PDE9A: variants seen among roughly 807,000 people sequenced by gnomAD.
PDE9A encodes phosphodiesterase 9A.
A neutral mutation model predicts 87.4 loss-of-function variants in PDE9A; 60 were observed. The observed-to-expected ratio is 0.69, with a 90% CI of 0.56 to 0.85. The LOEUF is 0.85. Ranked by LOEUF, PDE9A falls within the 40% of genes least tolerant of loss-of-function variation. The pLI is 0.00. For synonymous variants in PDE9A, 272 were observed against 279.4 expected (o/e 0.97, Z 0.27); for missense variants, 665 against 779.0 (o/e 0.85, Z 1.74).
In PDE9A at chr21:42,773,759, C is replaced by T. The variant is rs546681536; in HGVS notation, c.1768+1239C>T. On this transcript the variant is annotated intron_variant, in intron 19 of 19. Coordinates refer to ENST00000291539, the MANE Select transcript of PDE9A (RefSeq NM_002606.3). ...GAGATTGCCGTGAGCCAAGATCGCG[C>T]CACTGCACTCCAGCCTGGGCAACAG... Among the ~76,000 whole-genome samples the T allele has an allele frequency of 7.8e-5, 11 of 141,436 alleles. No individual in the cohort carries two copies. In the Admixed American group the frequency reaches 8.4e-4, roughly 11 times the overall value. 92.8% of individuals were successfully genotyped at this position (141,436 alleles called of 152,430 possible).
intron 1 of PDE9A, among the ~76,000 whole-genome samples, chr21:42,670,314 C>CCACA (rs750294735): frequency 6.0e-5 from 7 of 116,702 alleles, no homozygotes; most frequent in East Asian, 4.8e-4. Context: ...CACTTAGACA[C>CCACA]CACACTCACA....
Position 42,689,451 on chromosome 21 carries a change from G to A in PDE9A, c.218+1457G>A, listed in dbSNP as rs1602067103. The stretch of plus-strand genomic sequence containing the variant: ...CTCAGCACCAGCTCCAGCCTGGGGG[G>A]TCTCGCTCAGAAGCAAAGTCACTGA... On this transcript the variant is annotated intron_variant, in intron 3 of 19. Transcript: ENST00000291539. 9 of 773,256 alleles carry A rather than the reference G, an allele frequency of 1.2e-5. 1 individual carries two copies. In the South Asian group the frequency reaches 2.9e-4, roughly 25 times the overall value. 47.9% of individuals were successfully genotyped at this position (773,256 alleles called of 1,614,324 possible). A position where few individuals can be genotyped will look rare whatever the true frequency, so the allele number is the denominator to read the frequency against.
At chr21:42,711,175 G>T (rs1754296794) in intron 4 of PDE9A, among the ~76,000 whole-genome samples, 1 of 150,944 alleles carries the variant, frequency 6.6e-6, no homozygotes, top group Admixed American at 6.6e-5. Flanking sequence ...ATGAGCAGAG[G>T]TTTTTAATTT....
chr21:42,766,367 G>A (rs943235425), intron 15 of PDE9A, among the ~76,000 whole-genome samples: 12 of 151,662 alleles, frequency 7.9e-5, no homozygotes, highest in South Asian at 2.1e-4. Context: ...CTGCCCTCCC[G>A]GCCTTCAGAG....
At chr21:42,753,903 GGGAGAAAGA>G in intron 9 of PDE9A, 78 bp from the exon 10 acceptor site, 2 of 667,712 alleles carry the variant, frequency 3.0e-6, no homozygotes, top group African/African-American at 1.9e-5. Flanking sequence ...GAAAGAGAAC[GGGAGAAAGA>G]GGAGAAATAT....
intron 18 of PDE9A, among the ~76,000 whole-genome samples, chr21:42,771,734 G>A (rs922168150): frequency 6.6e-6 from 1 of 152,184 alleles, no homozygotes; most frequent in Non-Finnish European, 1.5e-5. Flanking sequence ...CTCGACTGAC[G>A]GCCCCGTGCT....
chr21:42,761,970 C>A lies in PDE9A; in HGVS notation c.1086-113C>A, dbSNP rs1301405861. 3 of 1,088,054 alleles carry A rather than the reference C, an allele frequency of 2.8e-6. No homozygotes were observed. The East Asian group carries it at 7.6e-5, about 28-fold the overall frequency. 67.4% of individuals were successfully genotyped at this position (1,088,054 alleles called of 1,614,324 possible). ...GCACAGGCAGCTCCCCCAGCCCCCA[C>A]GGCACCTTCTCCTGACTCTACTTGC... On this transcript the variant is annotated intron_variant, in intron 13 of 19. Transcript: ENST00000291539.
At position 42,761,558 on chromosome 21, in the gene PDE9A, T is replaced by C. The variant is rs115276463; in HGVS notation, c.1086-525T>C. On this transcript the variant is annotated intron_variant, in intron 13 of 19. Coordinates refer to ENST00000291539, the MANE Select transcript of PDE9A (RefSeq NM_002606.3). ...TCTGTTGAACTGTGTGTTTGTGTGATGTCATCACATGCCTGAGAGCTCTGC... is the reference window on the plus strand; with the variant it reads ...TCTGTTGAACTGTGTGTTTGTGTGACGTCATCACATGCCTGAGAGCTCTGC... 4.6e-3 allele frequency among the ~76,000 whole-genome samples: 703 copies of C among 152,358 alleles called. 4 individuals are homozygous for C. Among genetic ancestry groups the C allele is most frequent in the African/African-American group, 0.016 (671 of 41,586 alleles).
intron 3 of PDE9A, among the ~76,000 whole-genome samples, chr21:42,690,640 C>T (rs896610329): frequency 5.3e-5 from 8 of 152,078 alleles, no homozygotes; most frequent in African/African-American, 1.9e-4. Flanking sequence ...TCCATTCCCT[C>T]TGCCACTGTT....
chr21:42,669,862 G>GA (rs1446546204), intron 1 of PDE9A, among the ~76,000 whole-genome samples: 1 of 152,190 alleles, frequency 6.6e-6, no homozygotes, highest in Non-Finnish European at 1.5e-5. Context: ...GACAGAGCTG[G>GA]AATTGAGCCC....
At chr21:42,699,090 T>C in intron 4 of PDE9A, 79 bp downstream of exon 4, 1 of 880,052 alleles carries the variant, frequency 1.1e-6, no homozygotes, top group South Asian at 1.4e-5. Flanking sequence ...AAATATATAC[T>C]AGTTAAGCAT....
chr21:42,662,889 CAA>C (rs934200154), intron 1 of PDE9A, among the ~76,000 whole-genome samples: 6 of 140,706 alleles, frequency 4.3e-5, no homozygotes, highest in South Asian at 2.3e-4. Context: ...ACAGCACACA[CAA>C]AAACACACCA....
intron 1 of PDE9A, among the ~76,000 whole-genome samples, chr21:42,655,143 C>G (rs1233367588): frequency 1.3e-5 from 2 of 150,886 alleles, no homozygotes; most frequent in African/African-American, 2.5e-5. Flanking sequence ...CACACATCCA[C>G]TCACAAACAC....
chr21:42,741,331 T>C (rs2053230718), intron 7 of PDE9A: 1 of 152,250 alleles, frequency 6.6e-6, no homozygotes, highest in African/African-American at 2.4e-5. Flanking sequence ...GCCTGTGGCA[T>C]GCATCAGCTT....
chr21:42,693,085 T>G (rs376743777), intron 3 of PDE9A, among the ~76,000 whole-genome samples: 1 of 152,202 alleles, frequency 6.6e-6, no homozygotes, highest in African/African-American at 2.4e-5. Flanking sequence ...CCTGACACGG[T>G]GACCCACGGG....
Position 42,660,559 on chromosome 21 carries a change from GA to G in PDE9A, c.69+6679del, listed in dbSNP as rs1353016028. 6.7e-6 allele frequency among the ~76,000 whole-genome samples: 1 copy of G among 150,022 alleles called. No individual in the cohort carries two copies. The highest frequency in any genetic ancestry group is 1.5e-5 in the Non-Finnish European group (1 of 67,724). ...CGGGTGACAGTGCACCAGAATCTCAGAAATCACCACTAAAGAACTTACCCAT... is the reference window on the plus strand; with the variant it reads ...CGGGTGACAGTGCACCAGAATCTCAGAATCACCACTAAAGAACTTACCCAT... On this transcript the variant is annotated intron_variant, in intron 1 of 19. Coordinates refer to ENST00000291539, the MANE Select transcript of PDE9A (RefSeq NM_002606.3). The surrounding 1 kb of genome is among the most constrained non-coding windows in gnomAD (Gnocchi z 4.7).
At chr21:42,732,741 C>G (rs1306043435) in intron 6 of PDE9A, among the ~76,000 whole-genome samples, 1 of 152,092 alleles carries the variant, frequency 6.6e-6, no homozygotes, top group Non-Finnish European at 1.5e-5. Flanking sequence ...ATGGAGAAAC[C>G]CCGTCTCTAC....
chr21:42,706,353 G>A (rs914136364), intron 4 of PDE9A, among the ~76,000 whole-genome samples: 1 of 152,174 alleles, frequency 6.6e-6, no homozygotes, highest in Non-Finnish European at 1.5e-5. Flanking sequence ...ATTTTAAAGT[G>A]TACAACCTCA....
chr21:42,694,259 C>T lies in PDE9A; in HGVS notation c.219-4709C>T, dbSNP rs2060029904. On this transcript the variant is annotated intron_variant, in intron 3 of 19. Transcript: ENST00000291539. The surrounding 1 kb of genome is among the most constrained non-coding windows in gnomAD (Gnocchi z 5.3). ...CTTTAACTTCCTCCACTTCTGAAGT[C>T]ACCTGCAGTGACTTGGTGTGGACTT... 1.3e-5 allele frequency among the ~76,000 whole-genome samples: 2 copies of T among 152,226 alleles called. No homozygotes were observed. The highest frequency in any genetic ancestry group is 1.5e-5 in the Non-Finnish European group (1 of 68,044).
Sources: gnomAD v4.1 joint callset for allele counts (sites outside exome capture counted in the v4.1 genomes callset) on GRCh38, gnomAD v4.1.1 for gene constraint, Gnocchi (gnomAD v3.1) non-coding constraint, MANE v1.5 for transcripts, NCBI Gene and HGNC (gene_info 2026-07-23, HGNC 2026-07-21) for gene names.